Variants in ANKS1B observed in about 807,000 individuals in gnomAD.
ANKS1B encodes ankyrin repeat and sterile alpha motif domain-containing protein 1B.
In ANKS1B, 36 loss-of-function variants were observed where a neutral mutation model predicts 148.3. The observed-to-expected ratio is 0.24, with a 90% confidence interval of 0.19 to 0.32. The LOEUF (loss-of-function observed/expected upper bound fraction) is 0.32, where lower values mean the gene tolerates loss of function less well. Among genes scored for constraint, ANKS1B ranks in the 10% least tolerant of loss-of-function variants. The pLI is 1.00. For missense variants in ANKS1B, 1,157 were observed against 1,542.6 expected (o/e 0.75, Z 4.19); for synonymous variants, 542 against 560.8 (o/e 0.97, Z 0.47).
chr12:99,444,473 A>AG (rs1051318841), intron 10 of ANKS1B, among the ~76,000 whole-genome samples: 2 of 151,938 alleles, frequency 1.3e-5, no homozygotes, highest in Admixed American at 6.6e-5. Flanking sequence ...AGTATTTAGG[A>AG]GGGGGGAATA....
At chr12:99,980,874 G>C (rs1388073461) in intron 1 of ANKS1B, among the ~76,000 whole-genome samples, 1 of 151,924 alleles carries the variant, frequency 6.6e-6, no homozygotes, top group African/African-American at 2.4e-5. Flanking sequence ...TCAATGAAAA[G>C]AAAAATTTTA....
intron 8 of ANKS1B, among the ~76,000 whole-genome samples, chr12:99,701,425 T>C (rs529118788): frequency 3.4e-4 from 52 of 152,242 alleles, no homozygotes; most frequent in East Asian, 5.8e-4. Context: ...TAGGTGTATA[T>C]ATTTATGAGG....
intron 15 of ANKS1B, among the ~76,000 whole-genome samples, chr12:99,144,940 C>A (rs2072467968): frequency 1.3e-5 from 2 of 152,064 alleles, no homozygotes; most frequent in African/African-American, 2.4e-5. Flanking sequence ...CAATAAATTT[C>A]TCTTGTTTCA....
intron 8 of ANKS1B, among the ~76,000 whole-genome samples, chr12:99,705,386 T>TCAACAACCGCTATG (rs2055576682): frequency 6.6e-6 from 1 of 152,002 alleles, no homozygotes; most frequent in African/African-American, 2.4e-5. Flanking sequence ...GAACTTCCCA[T>TCAACAACCGCTATG]TAGGAGCTTA....
intron 1 of ANKS1B, among the ~76,000 whole-genome samples, chr12:99,849,509 A>G (rs988565677): frequency 6.6e-6 from 1 of 152,152 alleles, no homozygotes; most frequent in Non-Finnish European, 1.5e-5. Context: ...AAATTTGCAT[A>G]CTCTGTGACC....
chr12:99,670,537 G>T (rs887452297), intron 8 of ANKS1B, among the ~76,000 whole-genome samples: 1 of 151,930 alleles, frequency 6.6e-6, no homozygotes, highest in African/African-American at 2.4e-5. Context: ...AAAAACTACT[G>T]TCTACAAGGC....
chr12:99,438,978 GCA>G (rs1335021987), intron 11 of ANKS1B, among the ~76,000 whole-genome samples: 1 of 151,648 alleles, frequency 6.6e-6, no homozygotes, highest in Non-Finnish European at 1.5e-5. Context: ...TTTTAAAAAA[GCA>G]AACAAGTACT....
chr12:99,850,786 A>C (rs2087695499), intron 1 of ANKS1B, among the ~76,000 whole-genome samples: 1 of 152,112 alleles, frequency 6.6e-6, no homozygotes, highest in Non-Finnish European at 1.5e-5. Flanking sequence ...CAAAGACATA[A>C]GGGAAAATTC....
intron 14 of ANKS1B, among the ~76,000 whole-genome samples, chr12:99,166,491 T>C (rs888370205): frequency 1.3e-5 from 2 of 151,890 alleles, no homozygotes; most frequent in African/African-American, 4.8e-5. Context: ...AATAAACAAT[T>C]GGAATTTGAA....
chr12:98,933,516 A>G (rs1244671249), intron 17 of ANKS1B, among the ~76,000 whole-genome samples: 1 of 152,100 alleles, frequency 6.6e-6, no homozygotes, highest in East Asian at 1.9e-4. Context: ...ATACATACCC[A>G]GAAGTAGATT....
intron 17 of ANKS1B, among the ~76,000 whole-genome samples, chr12:98,915,180 C>T (rs1226333766): frequency 2.0e-5 from 3 of 151,868 alleles, no homozygotes; most frequent in Non-Finnish European, 4.4e-5. Flanking sequence ...TCCAATATGA[C>T]TAGCGTCCTT....
rs544727922 is a variant in ANKS1B at position 99,812,324 on chromosome 12, A to C, written c.216-13T>G. Reference sequence around the variant, plus strand: ...GAGAACTATGTCCCTAAAAAGGAAAAAACAACAACAACAAAATAGGCTGAG... The same window carrying C: ...GAGAACTATGTCCCTAAAAAGGAAACAACAACAACAACAAAATAGGCTGAG... On this transcript the variant is annotated splice_polypyrimidine_tract_variant and intron_variant, in intron 2 of 26. Coordinates refer to ENST00000683438, the MANE Select transcript of ANKS1B (RefSeq NM_001352186.2). 3.2e-5 allele frequency: 51 copies of C among 1,606,812 alleles called. No homozygotes were observed. The highest frequency in any genetic ancestry group is 7.7e-5 in the South Asian group (7 of 90,430).
In ANKS1B at chr12:98,744,067, T is replaced by A. The variant is rs1051243901; in HGVS notation, c.*1672A>T. The A allele has an allele frequency of 5.5e-5, 54 of 983,932 alleles. No individual in the cohort carries two copies. In the African/African-American group the frequency reaches 9.4e-4, roughly 17 times the overall value. 61.0% of individuals were successfully genotyped at this position (983,932 alleles called of 1,614,324 possible). On this transcript the variant is annotated 3_prime_UTR_variant, in exon 27 of 27. Coordinates refer to ENST00000683438, the MANE Select transcript of ANKS1B (RefSeq NM_001352186.2). The stretch of plus-strand genomic sequence containing the variant: ...AAATTTATAACTGGAAGCCCAAGCT[T>A]ATTTACACATATGCTTCTGTTTCAG...
At chr12:99,893,227 A>G (rs2093207939) in intron 1 of ANKS1B, among the ~76,000 whole-genome samples, 1 of 151,930 alleles carries the variant, frequency 6.6e-6, no homozygotes. Flanking sequence ...TGGATAACAC[A>G]GTGAAACCCC....
At chr12:98,891,355 A>G (rs1192923756) in intron 17 of ANKS1B, among the ~76,000 whole-genome samples, 1 of 152,310 alleles carries the variant, frequency 6.6e-6, no homozygotes, top group South Asian at 2.1e-4. Flanking sequence ...AAGCCAATAT[A>G]TTCTCACAAT....
At chr12:99,140,439 G>A (rs143940210) in intron 15 of ANKS1B, among the ~76,000 whole-genome samples, 2 of 152,256 alleles carry the variant, frequency 1.3e-5, no homozygotes, top group East Asian at 3.9e-4. Flanking sequence ...ATGAGGGTAA[G>A]AGCAATGAAG....
At chr12:98,974,102 G>A (rs1045887427) in intron 17 of ANKS1B, among the ~76,000 whole-genome samples, 1 of 152,068 alleles carries the variant, frequency 6.6e-6, no homozygotes, top group Non-Finnish European at 1.5e-5. Flanking sequence ...CTTTTGTTTT[G>A]CTGGTAAGGA....
At chr12:99,671,965 G>A (rs1383515921) in intron 8 of ANKS1B, among the ~76,000 whole-genome samples, 9 of 152,048 alleles carry the variant, frequency 5.9e-5, no homozygotes, top group Non-Finnish European at 1.0e-4. Flanking sequence ...ACAATGCTGA[G>A]TGATTTTAAA....
rs537904741 is a variant in ANKS1B at position 99,717,662 on chromosome 12, C to T, written c.1128+55260G>A. On this transcript the variant is annotated intron_variant, in intron 8 of 26. Coordinates refer to ENST00000683438, the MANE Select transcript of ANKS1B (RefSeq NM_001352186.2). ...ATCTTCTCGGCTTAGTGGCTGAAGA[C>T]TGACACTGCCCGATCGCCTTGGAAG... 1.8e-4 allele frequency among the ~76,000 whole-genome samples: 28 copies of T among 152,326 alleles called. No individual in the cohort carries two copies. In the East Asian group the frequency reaches 5.4e-3, roughly 29 times the overall value.
Sources: allele counts gnomAD v4.1 joint callset (sites outside exome capture counted in the v4.1 genomes callset), GRCh38; gene constraint gnomAD v4.1.1; transcripts MANE v1.5; gene names NCBI Gene and HGNC (gene_info 2026-07-23, HGNC 2026-07-21).